Variants in KIAA0825 observed in about 807,000 individuals in gnomAD.
The protein encoded by KIAA0825 is KIAA0825.
A neutral mutation model predicts 147.6 loss-of-function variants in KIAA0825; 119 were observed. That is an observed-to-expected ratio of 0.81 (90% CI 0.69 to 0.94). KIAA0825 has a LOEUF of 0.94. Ranked by LOEUF, KIAA0825 falls within the 40% of genes least tolerant of loss-of-function variation. The pLI, the probability that KIAA0825 is intolerant of heterozygous loss-of-function variation, is 0.00. For missense variants in KIAA0825, 1,381 were observed against 1,472.7 expected, an observed-to-expected ratio of 0.94 and a Z score of 1.02; for synonymous variants, 470 against 518.1, an observed-to-expected ratio of 0.91 and a Z score of 1.26.
intron 20 of KIAA0825, among the ~76,000 whole-genome samples, chr5:94,337,887 T>C (rs989711431): frequency 6.6e-6 from 1 of 152,170 alleles, no homozygotes. Context: ...GAGAATAACA[T>C]AATTAGATTT....
At chr5:94,284,152 C>T (rs544053001) in intron 20 of KIAA0825, among the ~76,000 whole-genome samples, 36 of 152,184 alleles carry the variant, frequency 2.4e-4, no homozygotes, top group Admixed American at 7.2e-4. Flanking sequence ...GATGTTAATG[C>T]GACATGAATC....
At chr5:94,181,547 T>C (rs1424706664) in intron 20 of KIAA0825, among the ~76,000 whole-genome samples, 2 of 152,200 alleles carry the variant, frequency 1.3e-5, no homozygotes, top group African/African-American at 4.8e-5. Flanking sequence ...ATGTAAACAG[T>C]GATTGAACCA....
intron 1 of KIAA0825, among the ~76,000 whole-genome samples, chr5:94,616,084 T>C (rs1790394712): frequency 6.6e-6 from 1 of 152,088 alleles, no homozygotes; most frequent in Admixed American, 6.6e-5. Context: ...GATGCTGGGT[T>C]TGAGATGACG....
At chr5:94,500,011 G>C (rs997292656) in intron 5 of KIAA0825, among the ~76,000 whole-genome samples, 13 of 152,184 alleles carry the variant, frequency 8.5e-5, no homozygotes, top group African/African-American at 3.1e-4. Flanking sequence ...AAAGGAATTA[G>C]GCAAGGAAGG....
At chr5:94,527,417 G>A (rs1465735058) in intron 3 of KIAA0825, among the ~76,000 whole-genome samples, 1 of 151,896 alleles carries the variant, frequency 6.6e-6, no homozygotes, top group African/African-American at 2.4e-5. Flanking sequence ...AAGGAAAAAA[G>A]TATGTTCCAT....
At chr5:94,332,833 T>C (rs1781418974) in intron 20 of KIAA0825, among the ~76,000 whole-genome samples, 1 of 152,210 alleles carries the variant, frequency 6.6e-6, no homozygotes, top group Admixed American at 6.5e-5. Context: ...TGAACTAATT[T>C]ACACTCCCAC....
intron 20 of KIAA0825, among the ~76,000 whole-genome samples, chr5:94,164,662 C>T (rs903561573): frequency 7.9e-5 from 12 of 152,258 alleles, no homozygotes; most frequent in East Asian, 3.9e-4. Flanking sequence ...CTGCCTGCCT[C>T]AGCCTCCCAA....
chr5:94,510,436 G>A (rs996188877), intron 5 of KIAA0825, among the ~76,000 whole-genome samples: 2 of 152,136 alleles, frequency 1.3e-5, no homozygotes, highest in Non-Finnish European at 2.9e-5. Flanking sequence ...TAATAGACAA[G>A]GGCTTCCTGT....
intron 6 of KIAA0825, among the ~76,000 whole-genome samples, chr5:94,478,626 A>C (rs555586745): frequency 1.3e-5 from 2 of 152,276 alleles, no homozygotes; most frequent in Non-Finnish European, 2.9e-5. Context: ...TTTAACTTAA[A>C]ATGATTTTTT....
At chr5:94,206,971 A>G (rs1772258836) in intron 20 of KIAA0825, among the ~76,000 whole-genome samples, 1 of 152,188 alleles carries the variant, frequency 6.6e-6, no homozygotes, top group Non-Finnish European at 1.5e-5. Flanking sequence ...GGGGAGGTGG[A>G]AAGCATATTT....
At chr5:94,169,479 G>C (rs943661653) in intron 20 of KIAA0825, among the ~76,000 whole-genome samples, 12 of 151,862 alleles carry the variant, frequency 7.9e-5, no homozygotes, top group Non-Finnish European at 1.5e-5. Context: ...CATTTTGGGA[G>C]GCTGAGGCGG....
chr5:94,462,620 C>T, intron 11 of KIAA0825, 51 bp from the exon 12 acceptor site: 2 of 1,112,904 alleles, frequency 1.8e-6, no homozygotes, highest in East Asian at 5.4e-5. Context: ...AATGTCTCTG[C>T]TTGGTAGGCA....
chr5:94,153,939 T>C lies in KIAA0825; in HGVS notation c.*68A>G. 4.7e-6 allele frequency: 5 copies of C among 1,057,738 alleles called. No homozygotes were observed. The highest frequency in any genetic ancestry group is 1.4e-6 in the Non-Finnish European group (1 of 700,306). 65.5% of individuals were successfully genotyped at this position (1,057,738 alleles called of 1,614,324 possible). A position where few individuals can be genotyped will look rare whatever the true frequency, so the allele number is the denominator to read the frequency against. Reference sequence around the variant, plus strand: ...GCACATATGAGGTTCATTCTGACTATGGTAAAAAATCCTACTCCATTACAT... The same window carrying C: ...GCACATATGAGGTTCATTCTGACTACGGTAAAAAATCCTACTCCATTACAT... On this transcript the variant is annotated 3_prime_UTR_variant, in exon 21 of 21. Coordinates refer to ENST00000682413, the MANE Select transcript of KIAA0825 (RefSeq NM_001145678.3).
At chr5:94,542,995 T>C (rs1405137023) in intron 2 of KIAA0825, among the ~76,000 whole-genome samples, 1 of 152,166 alleles carries the variant, frequency 6.6e-6, no homozygotes, top group Non-Finnish European at 1.5e-5. Flanking sequence ...GTCTACACAG[T>C]CTCTGCACAC....
chr5:94,299,981 TTATATA>T (rs959982952), intron 20 of KIAA0825, among the ~76,000 whole-genome samples: 21 of 152,050 alleles, frequency 1.4e-4, no homozygotes, highest in Admixed American at 7.2e-4. Flanking sequence ...GGCAAATTCG[TTATATA>T]TATATAAATT....
chr5:94,479,884 C>A (rs1762300672), intron 6 of KIAA0825, among the ~76,000 whole-genome samples: 1 of 152,060 alleles, frequency 6.6e-6, no homozygotes, highest in South Asian at 2.1e-4. Flanking sequence ...TGTGTATCCT[C>A]TTTGGTGAGG....
intron 2 of KIAA0825, among the ~76,000 whole-genome samples, chr5:94,565,345 CTT>C (rs200278201): frequency 2.0e-4 from 28 of 136,902 alleles, no homozygotes; most frequent in Middle Eastern, 3.5e-3. Flanking sequence ...ATTTTAATTC[CTT>C]TTTTTTTTTT....
At position 94,477,099 on chromosome 5, in the gene KIAA0825, TC is replaced by T. The variant is rs751337884; in HGVS notation, c.1227+11del. ...ATGTGAATTATAAAACACTTCTTTTTCCTTCACTTACCTCTTTTCCTGGTAG... is the reference window on the plus strand; with the variant it reads ...ATGTGAATTATAAAACACTTCTTTTTCTTCACTTACCTCTTTTCCTGGTAG... On this transcript the variant is annotated intron_variant, in intron 7 of 20. Transcript: ENST00000682413. 9.7e-6 allele frequency: 15 copies of T among 1,539,800 alleles called. No homozygotes were observed. The African/African-American group carries it at 1.8e-4, about 18-fold the overall frequency.
chr5:94,549,893 T>G (rs568423561), intron 2 of KIAA0825, among the ~76,000 whole-genome samples: 1 of 151,646 alleles, frequency 6.6e-6, no homozygotes, highest in African/African-American at 2.4e-5. Context: ...AAAATTAGTA[T>G]AAAAAAAGAA....
Sources: allele counts gnomAD v4.1 joint callset (sites outside exome capture counted in the v4.1 genomes callset), GRCh38; gene constraint gnomAD v4.1.1; transcripts MANE v1.5; gene names NCBI Gene and HGNC (gene_info 2026-07-23, HGNC 2026-07-21).